Variants in TULP4 observed in about 807,000 individuals in gnomAD.
The protein encoded by TULP4 is TUB like protein 4.
In TULP4, 16 loss-of-function variants were observed where a neutral mutation model predicts 129.0. The observed-to-expected ratio is 0.12, with a 90% CI of 0.08 to 0.19. TULP4 has a LOEUF of 0.19. TULP4 is among the 10% of genes least tolerant of loss of function. The probability of loss-of-function intolerance (pLI) is 1.00; values close to 1 mark genes in which losing one functional copy is unlikely to be tolerated. For missense variants in TULP4, 1,842 were observed against 2,059.1 expected (o/e 0.89, Z 2.04); for synonymous variants, 998 against 854.0 (o/e 1.17, Z -2.94).
At chr6:158,459,379 G>A (rs1254289894) in intron 5 of TULP4, among the ~76,000 whole-genome samples, 1 of 151,720 alleles carries the variant, frequency 6.6e-6, no homozygotes, top group Non-Finnish European at 1.5e-5. Context: ...GCAGTGAGCC[G>A]AGATCGCGCC....
intron 1 of TULP4, among the ~76,000 whole-genome samples, chr6:158,239,068 A>C (rs1260748282): frequency 2.3e-4 from 14 of 59,924 alleles, no homozygotes; most frequent in African/African-American, 2.6e-4. Flanking sequence ...TGACCCCCCC[A>C]CCTCCCTCCC....
intron 3 of TULP4, among the ~76,000 whole-genome samples, chr6:158,433,704 C>G (rs1313921081): frequency 2.6e-5 from 4 of 152,074 alleles, no homozygotes; most frequent in Non-Finnish European, 5.9e-5. Context: ...GAAACTCTGT[C>G]TCAAAAAAAA....
At position 158,502,884 on chromosome 6, in the gene TULP4, C is replaced by A. The variant is rs1472431189; in HGVS notation, c.3221C>A (p.Pro1074His). Residue 1074 changes from proline to histidine, a missense_variant, in exon 13 of 14, where the codon CCC becomes CAC. This residue lies in a region of TULP4 where 1,089 missense variants were observed against 987.1 expected (regional missense o/e 1.10). Coordinates refer to ENST00000367097, the MANE Select transcript of TULP4 (RefSeq NM_020245.5). The part of the protein sequence containing the change: ...SQSSYSLLSP[P>H]DSARDRTDYV... The stretch of plus-strand genomic sequence containing the variant: ...TCCTCCTACAGCCTCCTGAGCCCAC[C>A]CGACAGCGCCCGCGACCGCACCGAC... 2 of 1,613,836 alleles carry A rather than the reference C, an allele frequency of 1.2e-6. No individual in the cohort carries two copies. Among genetic ancestry groups the A allele is most frequent in the Non-Finnish European group, 1.7e-6 (2 of 1,180,026 alleles).
chr6:158,420,574 C>T (rs1206770727), intron 2 of TULP4, among the ~76,000 whole-genome samples: 2 of 151,920 alleles, frequency 1.3e-5, no homozygotes, highest in Non-Finnish European at 2.9e-5. Context: ...CCTTGCCTCC[C>T]GGGTTCAAGC....
At position 158,348,173 on chromosome 6, in the gene TULP4, G is replaced by GT. The variant is rs34217788; in HGVS notation, c.252+33920dup. Among the ~76,000 whole-genome samples, 926 of 112,132 alleles carry GT rather than the reference G, an allele frequency of 8.3e-3. 44 individuals carry two copies. Among genetic ancestry groups the GT allele is most frequent in the South Asian group, 0.036 (117 of 3,256 alleles). The allele number at this position is 112,132 out of a possible 152,430, so 73.6% of individuals were successfully genotyped here. A position where few individuals can be genotyped will look rare whatever the true frequency, so the allele number is the denominator to read the frequency against. ...TTTTGGTCTTTTTTTTTTTTTTAAG[G>GT]TTTTTTTTTTTTTTTAGTATTTATT... On this transcript the variant is annotated intron_variant, in intron 1 of 13. Transcript: ENST00000367097.
chr6:158,369,779 G>A (rs1458926684), intron 1 of TULP4, among the ~76,000 whole-genome samples: 1 of 152,146 alleles, frequency 6.6e-6, no homozygotes, highest in Non-Finnish European at 1.5e-5. Context: ...AATAGTGGTT[G>A]CCTCTGGGAA....
At chr6:158,427,471 CTTTTTTTTTTTTTTTTTTTTTTT>C (rs557678837) in intron 2 of TULP4, among the ~76,000 whole-genome samples, 17 of 74,136 alleles carry the variant, frequency 2.3e-4, no homozygotes, top group Admixed American at 1.3e-3. Flanking sequence ...ATTATCAGAC[CTTTTTTTTTTTTTTTTTTTTTTT>C]TTTTTTTTTT....
At chr6:158,443,346 A>C (rs1778943813) in intron 3 of TULP4, among the ~76,000 whole-genome samples, 1 of 151,724 alleles carries the variant, frequency 6.6e-6, no homozygotes, top group African/African-American at 2.4e-5. Context: ...TGAACTCCTG[A>C]CCTCAAATGA....
chr6:158,348,322 G>A (rs912184523), intron 1 of TULP4, among the ~76,000 whole-genome samples: 4 of 151,836 alleles, frequency 2.6e-5, no homozygotes, highest in Non-Finnish European at 5.9e-5. Flanking sequence ...AGGTCCCTGC[G>A]GCCTTCCACA....
intron 3 of TULP4, among the ~76,000 whole-genome samples, chr6:158,440,890 T>C (rs1778880701): frequency 6.6e-6 from 1 of 152,248 alleles, no homozygotes. Flanking sequence ...TTTTGGTTGA[T>C]TGACATGACA....
intron 5 of TULP4, among the ~76,000 whole-genome samples, chr6:158,458,361 C>T (rs758910806): frequency 9.9e-5 from 15 of 151,964 alleles, no homozygotes; most frequent in Admixed American, 5.2e-4. Flanking sequence ...TATCAGAGAC[C>T]GAAAACCCAC....
intron 2 of TULP4, among the ~76,000 whole-genome samples, chr6:158,414,720 G>A (rs1778169933): frequency 6.6e-6 from 1 of 152,172 alleles, no homozygotes; most frequent in Non-Finnish European, 1.5e-5. Flanking sequence ...GCCCAGTGAT[G>A]AGGTGAGACA....
intron 6 of TULP4, among the ~76,000 whole-genome samples, chr6:158,468,883 A>G (rs1435404592): frequency 6.6e-6 from 1 of 152,162 alleles, no homozygotes; most frequent in Non-Finnish European, 1.5e-5. Context: ...AATCTCTTTT[A>G]TAAGGGCACT....
At chr6:158,252,540 T>C (rs924185435) in intron 1 of TULP4, among the ~76,000 whole-genome samples, 3 of 152,032 alleles carry the variant, frequency 2.0e-5, no homozygotes, top group Non-Finnish European at 4.4e-5. Flanking sequence ...CATGCCCAGC[T>C]ACTTTTTGTA....
At chr6:158,379,764 C>A (rs547663554) in intron 1 of TULP4, among the ~76,000 whole-genome samples, 4 of 152,212 alleles carry the variant, frequency 2.6e-5, no homozygotes, top group Non-Finnish European at 5.9e-5. Context: ...ACCTGGGAGA[C>A]CCTACAGTGT....
At chr6:158,350,730 G>A (rs1482290699) in intron 1 of TULP4, among the ~76,000 whole-genome samples, 2 of 151,838 alleles carry the variant, frequency 1.3e-5, no homozygotes, top group East Asian at 1.9e-4. Context: ...AGAAAGAAAG[G>A]AAGAGGGGAG....
intron 3 of TULP4, among the ~76,000 whole-genome samples, chr6:158,444,924 G>A (rs187361081): frequency 3.6e-4 from 55 of 152,158 alleles, no homozygotes; most frequent in South Asian, 4.2e-4. Flanking sequence ...TGATCCTCCC[G>A]CCTCAGCCTC....
At chr6:158,278,387 G>GTTT (rs778202071), upstream of TULP4, among the ~76,000 whole-genome samples, 4 of 140,458 alleles carry the variant, frequency 2.8e-5, no homozygotes, top group African/African-American at 1.0e-4. Context: ...GAAAATACTA[G>GTTT]TTTTTTTTTT....
Position 158,493,551 on chromosome 6 carries a change from C to T in TULP4, c.1632-22C>T. 2.1e-6 allele frequency: 3 copies of T among 1,454,096 alleles called. No individual in the cohort carries two copies. Among genetic ancestry groups the T allele is most frequent in the Non-Finnish European group, 2.7e-6 (3 of 1,100,466 alleles). 90.1% of individuals were successfully genotyped at this position (1,454,096 alleles called of 1,614,324 possible). On this transcript the variant is annotated intron_variant, in intron 9 of 13. Transcript: ENST00000367097. This position sits in a 1 kb window ranked among gnomAD's most constrained non-coding sequence, Gnocchi z 4.4. ...CCATTCCCGCCACGGATGCCTGACCCCTCCTGGCCTTGCCTCCCCAGGATC... is the reference window on the plus strand; with the variant it reads ...CCATTCCCGCCACGGATGCCTGACCTCTCCTGGCCTTGCCTCCCCAGGATC...
Sources: gnomAD v4.1 joint callset for allele counts (sites outside exome capture counted in the v4.1 genomes callset) on GRCh38, gnomAD v4.1.1 for gene constraint, gnomAD v4.1.1 regional missense constraint, Gnocchi (gnomAD v3.1) non-coding constraint, MANE v1.5 for transcripts, NCBI Gene and HGNC (gene_info 2026-07-23, HGNC 2026-07-21) for gene names.